The following DYNC2H1 variants were observed in gnomAD, a reference collection of about 807,000 sequenced individuals.
DYNC2H1 encodes the protein cytoplasmic dynein 2 heavy chain 1.
A neutral mutation model predicts 570.0 loss-of-function variants in DYNC2H1; 410 were observed. That is an observed-to-expected ratio of 0.72 (90% CI 0.66 to 0.78). The LOEUF (loss-of-function observed/expected upper bound fraction) is 0.78, where lower values mean the gene tolerates loss of function less well. Among genes scored for constraint, DYNC2H1 ranks in the 30% least tolerant of loss-of-function variants. DYNC2H1 has a pLI of 0.00. For missense variants in DYNC2H1, 4,865 were observed against 5,046.4 expected (o/e 0.96, Z 1.09); for synonymous variants, 1,688 against 1,677.6 (o/e 1.01, Z -0.15).
chr11:103,399,690 C>T lies in DYNC2H1; in HGVS notation c.12184C>T (p.Pro4062Ser), dbSNP rs1942556924. ...QNSNLIHQKVPPPNDRQGSPI... is the reference protein window; with the variant it reads ...QNSNLIHQKVSPPNDRQGSPI... ...TTCAAACCTAATACATCAGAAAGTGCCTCCTCCTAACGATCGACAAGGATC... is the reference window on the plus strand; with the variant it reads ...TTCAAACCTAATACATCAGAAAGTGTCTCCTCCTAACGATCGACAAGGATC... Residue 4062 changes from proline to serine, a missense_variant, in exon 84 of 89, where the codon CCT becomes TCT. Physicochemically the swap from Pro to Ser is moderately conservative, Grantham distance 74. Coordinates refer to ENST00000375735, the MANE Select transcript of DYNC2H1 (RefSeq NM_001377.3). 2 of 1,612,656 alleles carry T rather than the reference C, an allele frequency of 1.2e-6. No homozygotes were observed. The highest frequency in any genetic ancestry group is 2.2e-5 in the South Asian group (2 of 90,794).
At chr11:103,161,093 T>A in intron 29 of DYNC2H1, 49 bp downstream of exon 29, 1 of 1,035,944 alleles carries the variant, frequency 9.7e-7, no homozygotes, top group Non-Finnish European at 1.4e-6. Context: ...TAACTATATA[T>A]GAACTTTGTG....
chr11:103,468,741 A>G (rs776164944), intron 88 of DYNC2H1, 36 bp downstream of exon 88: 1 of 1,445,860 alleles, frequency 6.9e-7, no homozygotes, highest in South Asian at 1.2e-5. Flanking sequence ...TTTTAATTAT[A>G]TCAGTTCTCT....
chr11:103,461,812 A>G lies in DYNC2H1; in HGVS notation c.12648+5456A>G, dbSNP rs1174108521. ...AGAGAGAGTAGTAAAATGAGTCTGC[A>G]TATTTCAAGGTTTTAAGATTTAGAA... On this transcript the variant is annotated intron_variant, in intron 87 of 88. Transcript: ENST00000375735. The surrounding 1 kb of genome is among the most constrained non-coding windows in gnomAD (Gnocchi z 4.8). Among the ~76,000 whole-genome samples the G allele has an allele frequency of 6.6e-6, 1 of 152,110 alleles. No homozygotes were observed. The highest frequency in any genetic ancestry group is 2.4e-5 in the African/African-American group (1 of 41,428).
intron 65 of DYNC2H1, among the ~76,000 whole-genome samples, chr11:103,247,343 A>G (rs751992439): frequency 6.6e-6 from 1 of 152,096 alleles, no homozygotes; most frequent in Non-Finnish European, 1.5e-5. Context: ...CTACAGAGAC[A>G]GGCATACGTA....
chr11:103,114,545 A>G (rs1858278751), intron 3 of DYNC2H1, among the ~76,000 whole-genome samples: 1 of 152,136 alleles, frequency 6.6e-6, no homozygotes, highest in Non-Finnish European at 1.5e-5. Context: ...GTGTCAAACT[A>G]CTGGCCTCAA....
chr11:103,324,115 A>T lies in DYNC2H1; in HGVS notation c.12039+125A>T. On this transcript the variant is annotated intron_variant, in intron 82 of 88. Coordinates refer to ENST00000375735, the MANE Select transcript of DYNC2H1 (RefSeq NM_001377.3). The surrounding 1 kb of genome is among the most constrained non-coding windows in gnomAD (Gnocchi z 5.2). ...TTTAAACATTTTATTTTCACAACAC[A>T]TTCCAGTTTTACTTTAAATATATTT... 1 of 442,510 alleles carries T rather than the reference A, an allele frequency of 2.3e-6. No homozygotes were observed. The highest frequency in any genetic ancestry group is 3.7e-6 in the Non-Finnish European group (1 of 266,700). 27.4% of individuals were successfully genotyped at this position (442,510 alleles called of 1,614,324 possible).
At chr11:103,278,099 G>C (rs1865981830) in intron 70 of DYNC2H1, among the ~76,000 whole-genome samples, 1 of 151,976 alleles carries the variant, frequency 6.6e-6, no homozygotes, top group Non-Finnish European at 1.5e-5. Context: ...TCTGATGCTT[G>C]AGGACCTTTT....
chr11:103,140,913 C>T (rs953877758), intron 17 of DYNC2H1, among the ~76,000 whole-genome samples: 3 of 152,028 alleles, frequency 2.0e-5, no homozygotes, highest in East Asian at 1.9e-4. Flanking sequence ...TCTTTTTATT[C>T]TTTTTTTCTC....
At chr11:103,401,565 C>T (rs1464513387) in intron 84 of DYNC2H1, among the ~76,000 whole-genome samples, 2 of 151,980 alleles carry the variant, frequency 1.3e-5, no homozygotes, top group African/African-American at 2.4e-5. Context: ...AGAATGTGAC[C>T]GCTGGAATAT....
At position 103,256,150 on chromosome 11, in the gene DYNC2H1, G is replaced by A. The variant is rs768329498; in HGVS notation, c.10371G>A (p.Leu3457=). The A allele has an allele frequency of 6.2e-7, 1 of 1,608,444 alleles. No homozygotes were observed. Among genetic ancestry groups the A allele is most frequent in the South Asian group, 1.1e-5 (1 of 90,226 alleles). Residue 3457 remains leucine (L), a synonymous_variant, in exon 68 of 89, where the codon TTG becomes TTA. Transcript: ENST00000375735. The surrounding 1 kb of genome is among the most constrained non-coding windows in gnomAD (Gnocchi z 4.0). ...GCAATATTTTGGAAAATAAGGATTT[G>A]ATTGAGTCTTTGAATCAGACAAAAG... ...SQGNILENKD[L]IESLNQTKAS...
At chr11:103,248,244 A>C (rs1299567605) in intron 65 of DYNC2H1, among the ~76,000 whole-genome samples, 2 of 151,974 alleles carry the variant, frequency 1.3e-5, no homozygotes, top group Non-Finnish European at 2.9e-5. Context: ...GTTGTGCCTG[A>C]GTGGTATGCA....
Position 103,313,709 on chromosome 11 carries a change from TTGTGGGCATCAAA to T in DYNC2H1, c.11649+1679_11649+1691del, listed in dbSNP as rs568624540. On this transcript the variant is annotated intron_variant, in intron 79 of 88. Transcript: ENST00000375735. The stretch of plus-strand genomic sequence containing the variant: ...AGAGTAACAATCATATTTACCTTTA[TTGTGGGCATCAAA>T]TGAAATAGTGTATGTTTAATGCTTA... 1.1e-3 allele frequency among the ~76,000 whole-genome samples: 160 copies of T among 152,358 alleles called. 3 individuals are homozygous for T. The South Asian group carries it at 0.033, about 31-fold the overall frequency.
In DYNC2H1 at chr11:103,275,631, A is replaced by G. The variant is rs985220594; in HGVS notation, c.10696-4717A>G. ...GTATGTCAGTATGTAGCCTTTGTAGATTGTCTTCTTTCACTTACTATTGTA... is the reference window on the plus strand; with the variant it reads ...GTATGTCAGTATGTAGCCTTTGTAGGTTGTCTTCTTTCACTTACTATTGTA... On this transcript the variant is annotated intron_variant, in intron 70 of 88. Transcript: ENST00000375735. This position sits in a 1 kb window ranked among gnomAD's most constrained non-coding sequence, Gnocchi z 4.8. Among the ~76,000 whole-genome samples, 3 of 152,040 alleles carry G rather than the reference A, an allele frequency of 2.0e-5. No homozygotes were observed. Among genetic ancestry groups the G allele is most frequent in the Non-Finnish European group, 4.4e-5 (3 of 68,002 alleles).
chr11:103,414,508 ACTCGGGAGG>A (rs1342224112), intron 84 of DYNC2H1, among the ~76,000 whole-genome samples: 2 of 152,106 alleles, frequency 1.3e-5, no homozygotes, highest in Admixed American at 6.6e-5. Context: ...AATCCCAGCT[ACTCGGGAGG>A]CTGAGGCAGA....
chr11:103,191,375 T>A, intron 45 of DYNC2H1, 142 bp from the exon 46 acceptor site: 1 of 615,714 alleles, frequency 1.6e-6, no homozygotes, highest in Non-Finnish European at 2.8e-6. Context: ...AGTATAAAGA[T>A]AATGAAGTCA....
intron 59 of DYNC2H1, among the ~76,000 whole-genome samples, chr11:103,223,339 T>C (rs1333124013): frequency 6.6e-6 from 1 of 152,138 alleles, no homozygotes; most frequent in Non-Finnish European, 1.5e-5. Context: ...AAAAGTTCCT[T>C]TAGAAGGAGC....
At chr11:103,251,474 A>G (rs1009567746) in intron 65 of DYNC2H1, among the ~76,000 whole-genome samples, 2 of 152,172 alleles carry the variant, frequency 1.3e-5, no homozygotes, top group East Asian at 1.9e-4. Context: ...ATATCATAAA[A>G]TGCTTTTCTG....
chr11:103,377,452 A>G (rs1038677611), intron 83 of DYNC2H1, among the ~76,000 whole-genome samples: 1 of 152,064 alleles, frequency 6.6e-6, no homozygotes, highest in Admixed American at 6.5e-5. Flanking sequence ...ACATCATATA[A>G]GAGAGATTAG....
At chr11:103,471,411 T>A (rs1945381939) in intron 88 of DYNC2H1, among the ~76,000 whole-genome samples, 1 of 152,188 alleles carries the variant, frequency 6.6e-6, no homozygotes, top group Non-Finnish European at 1.5e-5. Flanking sequence ...CAGACCTAAA[T>A]TGTAATCCAA....
Sources: allele counts gnomAD v4.1 joint callset (sites outside exome capture counted in the v4.1 genomes callset), GRCh38; gene constraint gnomAD v4.1.1; non-coding constraint Gnocchi (gnomAD v3.1); transcripts MANE v1.5; gene names NCBI Gene and HGNC (gene_info 2026-07-23, HGNC 2026-07-21).